Variants in PAPPA observed in about 807,000 individuals in gnomAD.
The protein encoded by PAPPA is pappalysin 1.
Under a neutral mutation model 164.0 loss-of-function variants are expected in PAPPA, and 60 were observed. The observed-to-expected ratio is 0.37, with a 90% CI of 0.30 to 0.45. The LOEUF is 0.45. Ranked by LOEUF, PAPPA falls within the 20% of genes least tolerant of loss-of-function variation. The pLI is 1.00. For synonymous variants in PAPPA, 875 were observed against 814.1 expected (o/e 1.07, Z -1.27); for missense variants, 1,782 against 2,087.3 (o/e 0.85, Z 2.85).
At chr9:116,227,633 T>C (rs1844530804) in intron 6 of PAPPA, 81 bp downstream of exon 6, 2 of 1,445,524 alleles carry the variant, frequency 1.4e-6, no homozygotes, top group Non-Finnish European at 9.4e-7. Context: ...GTTTTATTAT[T>C]TTTATGGGTC....
In PAPPA at chr9:116,227,424, C is replaced by T; in HGVS notation, c.2112-7C>T. 6.2e-7 allele frequency: 1 copy of T among 1,613,926 alleles called. No homozygotes were observed. The highest frequency in any genetic ancestry group is 8.5e-7 in the Non-Finnish European group (1 of 1,179,896). ...GGTGCATTTTCCCTCTTTCCTTGGC[C>T]TCCTAGAGAATTGGGATCAGCATGT... On this transcript the variant is annotated splice_polypyrimidine_tract_variant and splice_region_variant and intron_variant, in intron 5 of 21. Transcript: ENST00000328252.
intron 10 of PAPPA, among the ~76,000 whole-genome samples, chr9:116,317,234 C>A (rs369571129): frequency 2.0e-4 from 30 of 152,276 alleles, no homozygotes; most frequent in African/African-American, 7.2e-4. Flanking sequence ...TAGGCCGATG[C>A]GGTCAAGACT....
At chr9:116,248,470 A>G (rs1844822967) in intron 7 of PAPPA, among the ~76,000 whole-genome samples, 1 of 152,238 alleles carries the variant, frequency 6.6e-6, no homozygotes, top group South Asian at 2.1e-4. Context: ...AGACGGAGGC[A>G]GCAGGTTACA....
At chr9:116,233,731 T>G (rs931302289) in intron 6 of PAPPA, among the ~76,000 whole-genome samples, 1 of 152,188 alleles carries the variant, frequency 6.6e-6, no homozygotes, top group Non-Finnish European at 1.5e-5. Flanking sequence ...CATAGTTTTT[T>G]CACTCCAAAT....
In PAPPA at chr9:116,365,551, G is replaced by GTT. The variant is rs56204027; in HGVS notation, c.4496-2080_4496-2079dup. Among the ~76,000 whole-genome samples the GTT allele has an allele frequency of 2.2e-3, 219 of 101,480 alleles. 9 individuals are homozygous for GTT. The highest frequency in any genetic ancestry group is 0.012 in the Middle Eastern group (2 of 172). The allele number at this position is 101,480 out of a possible 152,430, so 66.6% of individuals were successfully genotyped here. On this transcript the variant is annotated intron_variant, in intron 18 of 21. Transcript: ENST00000328252. ...GCAAGTGTCTCCTGTTTTGACAACC[G>GTT]TTTTTTTTTTTTTTTCCTCTCTTGG...
chr9:116,235,592 T>G lies in PAPPA; in HGVS notation c.2687T>G (p.Met896Arg). The change falls in exon 7 of 22, where the codon ATG becomes AGG. Residue 896 changes from methionine to arginine, a missense_variant. Transcript: ENST00000328252. ...YKVVRDPPLQMDVASILHLNR... is the reference protein window; with the variant it reads ...YKVVRDPPLQRDVASILHLNR... Reference sequence around the variant, plus strand: ...GTGGTCCGGGACCCTCCTCTCCAGATGGATGTGGCCTCCATCCTACATCTC... The same window carrying G: ...GTGGTCCGGGACCCTCCTCTCCAGAGGGATGTGGCCTCCATCCTACATCTC... The G allele has an allele frequency of 6.2e-7, 1 of 1,613,470 alleles. No individual in the cohort carries two copies. Among genetic ancestry groups the G allele is most frequent in the Non-Finnish European group, 8.5e-7 (1 of 1,179,904 alleles).
intron 10 of PAPPA, among the ~76,000 whole-genome samples, chr9:116,306,491 A>T (rs1479012534): frequency 6.6e-6 from 1 of 152,226 alleles, no homozygotes; most frequent in East Asian, 1.9e-4. Context: ...AAATCTTATC[A>T]GAAGTATCAA....
chr9:116,273,675 G>GA (rs1338214262), intron 9 of PAPPA, among the ~76,000 whole-genome samples: 3 of 152,174 alleles, frequency 2.0e-5, no homozygotes, highest in African/African-American at 7.2e-5. Flanking sequence ...TCTGGAGGCT[G>GA]AAGCAGGAGA....
intron 9 of PAPPA, among the ~76,000 whole-genome samples, chr9:116,290,704 C>CT (rs574236554): frequency 1.3e-3 from 202 of 151,752 alleles, no homozygotes; most frequent in African/African-American, 1.9e-3. Context: ...TTCTCTCTCT[C>CT]TTTTTTTTAA....
intron 19 of PAPPA, among the ~76,000 whole-genome samples, chr9:116,377,318 C>T (rs535413693): frequency 6.6e-6 from 1 of 152,150 alleles, no homozygotes; most frequent in South Asian, 2.1e-4. Context: ...TCTCTACCCT[C>T]CAGTTCTGCT....
At position 116,245,009 on chromosome 9, in the gene PAPPA, G is replaced by A. The variant is rs78623655; in HGVS notation, c.2732+9372G>A. On this transcript the variant is annotated intron_variant, in intron 7 of 21. Coordinates refer to ENST00000328252, the MANE Select transcript of PAPPA (RefSeq NM_002581.5). Reference sequence around the variant, plus strand: ...AAGGAGTGGAATCTTGTCGTTTGAAGCAGCATGGGTGGCACTGGAGGCTAT... The same window carrying A: ...AAGGAGTGGAATCTTGTCGTTTGAAACAGCATGGGTGGCACTGGAGGCTAT... Among the ~76,000 whole-genome samples the A allele has an allele frequency of 5.5e-3, 840 of 152,304 alleles. 10 individuals carry two copies. The highest frequency in any genetic ancestry group is 0.019 in the African/African-American group (804 of 41,568).
intron 7 of PAPPA, among the ~76,000 whole-genome samples, 185 bp from the exon 8 acceptor site, chr9:116,265,672 T>C (rs1845058840): frequency 6.6e-6 from 1 of 152,242 alleles, no homozygotes; most frequent in South Asian, 2.1e-4. Flanking sequence ...TTTAGTGTAG[T>C]CCATTATACT....
intron 17 of PAPPA, among the ~76,000 whole-genome samples, chr9:116,361,037 A>G (rs1846420237): frequency 6.6e-6 from 1 of 152,256 alleles, no homozygotes; most frequent in Non-Finnish European, 1.5e-5. Context: ...GCATGAAAGC[A>G]CAACATACGA....
At chr9:116,364,048 G>A (rs1488945304) in intron 18 of PAPPA, among the ~76,000 whole-genome samples, 4 of 152,228 alleles carry the variant, frequency 2.6e-5, no homozygotes, top group Admixed American at 2.0e-4. Context: ...GTTGCAGAGA[G>A]ATGGGATCTT....
chr9:116,258,674 G>A (rs1191298320), intron 7 of PAPPA, among the ~76,000 whole-genome samples: 12 of 148,638 alleles, frequency 8.1e-5, no homozygotes, highest in Non-Finnish European at 1.2e-4. Flanking sequence ...AGATAACCCC[G>A]AAAAAAAAAA....
At chr9:116,331,901 T>G (rs1431644203) in intron 11 of PAPPA, among the ~76,000 whole-genome samples, 4 of 152,234 alleles carry the variant, frequency 2.6e-5, no homozygotes, top group African/African-American at 9.6e-5. Context: ...CATGGAGAAG[T>G]GAAAGATAAC....
At chr9:116,342,127 G>A (rs1846146263) in intron 13 of PAPPA, among the ~76,000 whole-genome samples, 1 of 152,222 alleles carries the variant, frequency 6.6e-6, no homozygotes, top group Non-Finnish European at 1.5e-5. Context: ...TGAGCGTGCA[G>A]AGTAAGAATG....
At position 116,187,078 on chromosome 9, in the gene PAPPA, A is replaced by G. The variant is rs1216540007; in HGVS notation, c.416-76A>G. 9.4e-7 allele frequency: 1 copy of G among 1,061,800 alleles called. No individual in the cohort carries two copies. Among genetic ancestry groups the G allele is most frequent in the African/African-American group, 1.6e-5 (1 of 63,474 alleles). The allele number at this position is 1,061,800 out of a possible 1,614,324, so 65.8% of individuals were successfully genotyped here. A position where few individuals can be genotyped will look rare whatever the true frequency, so the allele number is the denominator to read the frequency against. ...TCTAGGATAACCTGATACAAATTTT[A>G]TTAGAGAAAAATAACTTAACCCCCC... On this transcript the variant is annotated intron_variant, in intron 1 of 21. Coordinates refer to ENST00000328252, the MANE Select transcript of PAPPA (RefSeq NM_002581.5). The surrounding 1 kb of genome is among the most constrained non-coding windows in gnomAD (Gnocchi z 4.2).
intron 10 of PAPPA, among the ~76,000 whole-genome samples, chr9:116,320,217 G>A (rs1845836914): frequency 6.6e-6 from 1 of 152,086 alleles, no homozygotes; most frequent in Non-Finnish European, 1.5e-5. Context: ...CTGGCCAGGG[G>A]TTTGCACCCT....
Sources: allele counts gnomAD v4.1 joint callset (sites outside exome capture counted in the v4.1 genomes callset), GRCh38; gene constraint gnomAD v4.1.1; non-coding constraint Gnocchi (gnomAD v3.1); transcripts MANE v1.5; gene names NCBI Gene and HGNC (gene_info 2026-07-23, HGNC 2026-07-21).